Variants in RNF40 observed in about 807,000 individuals in gnomAD.
RNF40 encodes E3 ubiquitin-protein ligase BRE1B.
Under a neutral mutation model 123.3 loss-of-function variants are expected in RNF40, and 39 were observed. The ratio of observed to expected loss-of-function variants is 0.32; its 90% CI spans 0.24 to 0.41. The LOEUF (loss-of-function observed/expected upper bound fraction) is 0.41, where lower values mean the gene tolerates loss of function less well. RNF40 is among the 10% of genes least tolerant of loss of function. The pLI is 1.00. For synonymous variants in RNF40, 538 were observed against 526.0 expected, an observed-to-expected ratio of 1.02 and a Z score of -0.31; for missense variants, 1,003 against 1,319.9, an observed-to-expected ratio of 0.76 and a Z score of 3.72.
At chr16:30,769,764 A>T (rs2151332426) in intron 17 of RNF40, among the ~76,000 whole-genome samples, 164 bp downstream of exon 17, 1 of 152,322 alleles carries the variant, frequency 6.6e-6, no homozygotes, top group East Asian at 1.9e-4. Context: ...CATGCTGAGT[A>T]CTTGACATGC....
chr16:30,762,836 C>T (rs1393770280), intron 2 of RNF40, 159 bp downstream of exon 2: 2 of 949,862 alleles, frequency 2.1e-6, no homozygotes, highest in Non-Finnish European at 3.1e-6. Flanking sequence ...GAACACGACG[C>T]CTGTCTTCCC....
upstream of RNF40, chr16:30,762,276 T>TG (rs1567277768): frequency 1.4e-5 from 6 of 419,944 alleles, no homozygotes; most frequent in Non-Finnish European, 2.1e-5. Flanking sequence ...CTGCGCACCG[T>TG]TGGGGGGGGG....
rs1164924306 is a variant in RNF40 at position 30,762,344 on chromosome 16, G to A, written c.-88G>A. ...GGTGAAATCCAAGATGGCGGCGCTA[G>A]GCTGACCCTCCTGCTGGTGAGGGCT... On this transcript the variant is annotated 5_prime_UTR_variant, in exon 1 of 20. Transcript: ENST00000324685. 7.3e-6 allele frequency: 4 copies of A among 549,852 alleles called. No individual in the cohort carries two copies. Among genetic ancestry groups the A allele is most frequent in the Non-Finnish European group, 9.2e-6 (3 of 324,770 alleles). 34.1% of individuals were successfully genotyped at this position (549,852 alleles called of 1,614,324 possible).
upstream of RNF40, chr16:30,761,669 T>C: frequency 6.5e-7 from 1 of 1,535,818 alleles, no homozygotes; most frequent in African/African-American, 1.4e-5. Flanking sequence ...CTTCCCCGCT[T>C]CCCGCCGCAG....
intron 19 of RNF40, 165 bp from the exon 20 acceptor site, chr16:30,773,773 C>T (rs1387147810): frequency 1.1e-5 from 7 of 628,658 alleles, no homozygotes; most frequent in South Asian, 7.0e-5. Flanking sequence ...GGCCTCTGCA[C>T]CTCAGTTTGC....
intron 11 of RNF40, chr16:30,767,652 A>C: frequency 2.3e-6 from 1 of 439,790 alleles, no homozygotes; most frequent in East Asian, 3.6e-5. Context: ...TTAAAAAAAA[A>C]ACAAAAAACC....
rs1378367421 is a variant in RNF40 at position 30,774,294 on chromosome 16, C to T, written c.*180C>T. On this transcript the variant is annotated 3_prime_UTR_variant, in exon 20 of 20. Transcript: ENST00000324685. ...AGTGGGCATGGGATCAGCCAAGCTT[C>T]GTTCCATCTTTTCCTAAAGGTCAGA... is the stretch of plus-strand genomic sequence containing the variant. 4.1e-5 allele frequency: 25 copies of T among 615,126 alleles called. No individual in the cohort carries two copies. Among genetic ancestry groups the T allele is most frequent in the Middle Eastern group, 4.4e-4 (1 of 2,284 alleles). 38.1% of individuals were successfully genotyped at this position (615,126 alleles called of 1,614,324 possible). A position where few individuals can be genotyped will look rare whatever the true frequency, so the allele number is the denominator to read the frequency against.
chr16:30,762,821 G>C (rs2053896442), intron 2 of RNF40, 144 bp downstream of exon 2: 1 of 1,098,876 alleles, frequency 9.1e-7, no homozygotes, highest in Admixed American at 2.6e-5. Flanking sequence ...TTAGAAAGAA[G>C]CTCAGAACAC....
rs1421431051 is a variant in RNF40 at position 30,769,604 on chromosome 16, A to T, written c.2586+4A>T. ...CCTGGAGCTCAACAAGCGGAAGGTG[A>T]GGCTGGGCCAGGGGGACACACAGCT... On this transcript the variant is annotated splice_donor_region_variant and intron_variant, in intron 17 of 19. Transcript: ENST00000324685. The T allele has an allele frequency of 6.4e-7, 1 of 1,555,094 alleles. No homozygotes were observed. Among genetic ancestry groups the T allele is most frequent in the Non-Finnish European group, 8.7e-7 (1 of 1,150,066 alleles).
upstream of RNF40, chr16:30,762,026 G>A (rs971506366): frequency 1.8e-5 from 9 of 495,720 alleles, no homozygotes; most frequent in African/African-American, 1.8e-4. Flanking sequence ...AGTTGCGAGT[G>A]CCCACCTGGG....
chr16:30,762,992 A>T, intron 2 of RNF40, 126 bp from the exon 3 acceptor site: 1 of 1,061,218 alleles, frequency 9.4e-7, no homozygotes, highest in East Asian at 2.6e-5. Context: ...AGATTCTGTT[A>T]GCGGTTAGTG....
intron 17 of RNF40, among the ~76,000 whole-genome samples, chr16:30,770,035 G>A (rs886132510): frequency 1.3e-5 from 2 of 151,838 alleles, no homozygotes; most frequent in East Asian, 3.9e-4. Context: ...CCAGGAGGTT[G>A]AGGCTGCAGT....
intron 16 of RNF40, 35 bp from the exon 17 acceptor site, chr16:30,769,440 G>A (rs751561862): frequency 1.9e-6 from 3 of 1,614,152 alleles, no homozygotes; most frequent in Non-Finnish European, 1.7e-6. Context: ...TGGAGAGGTG[G>A]GGGTCATGGC....
At chr16:30,773,162 T>C (rs1282583935) in intron 19 of RNF40, among the ~76,000 whole-genome samples, 2 of 152,130 alleles carry the variant, frequency 1.3e-5, no homozygotes, top group Admixed American at 6.5e-5. Context: ...GAGAACAGGC[T>C]TGGGGAATGT....
chr16:30,763,944 T>C (rs1313577659), intron 4 of RNF40, among the ~76,000 whole-genome samples: 1 of 152,210 alleles, frequency 6.6e-6, no homozygotes, highest in Non-Finnish European at 1.5e-5. Context: ...TCTAATTATA[T>C]TGGTAAAGTA....
In RNF40 at chr16:30,774,044, G is replaced by A. The variant is rs974302842; in HGVS notation, c.2936G>A (p.Arg979His). 2 of 1,614,070 alleles carry A rather than the reference G, an allele frequency of 1.2e-6. No homozygotes were observed. Among genetic ancestry groups the A allele is most frequent in the Non-Finnish European group, 1.7e-6 (2 of 1,179,902 alleles). Residue 979 changes from arginine to histidine, a missense_variant, in exon 20 of 20, where the codon CGC (arginine) becomes CAC (histidine). Transcript: ENST00000324685. ...FECVRGRYEA[R>H]QRKCPKCNAA... ...TGCGTGCGGGGCCGCTATGAGGCCC[G>A]CCAGAGGAAGTGCCCCAAGTGCAAC...
At chr16:30,762,050 A>AG (rs1238846741), upstream of RNF40, 89 of 462,630 alleles carry the variant, frequency 1.9e-4, no homozygotes, top group Non-Finnish European at 7.7e-6. Context: ...CCTCTCTTCC[A>AG]GGTTGCTAAT....
chr16:30,762,744 G>A, intron 2 of RNF40, 67 bp downstream of exon 2: 1 of 1,575,242 alleles, frequency 6.3e-7, no homozygotes, highest in Non-Finnish European at 8.6e-7. Flanking sequence ...TGGCCAAACT[G>A]TGCGGAATCT....
chr16:30,769,395 C>G lies in RNF40; in HGVS notation c.2457C>G (p.Ser819=). 6.2e-7 allele frequency: 1 copy of G among 1,614,174 alleles called. No individual in the cohort carries two copies. Among genetic ancestry groups the G allele is most frequent in the Non-Finnish European group, 8.5e-7 (1 of 1,180,036 alleles). Reference sequence around the variant, plus strand: ...GCGAGCAGGTCCTTGGCCTCAAGTCCCAGGTATGGCCGCCGCCAGCTTGCA... The same window carrying G: ...GCGAGCAGGTCCTTGGCCTCAAGTCGCAGGTATGGCCGCCGCCAGCTTGCA... ...ELGEQVLGLK[S]QVDAQLLTVQ... Residue 819 remains serine (S), a synonymous_variant, in exon 16 of 20, where the codon TCC becomes TCG. Coordinates refer to ENST00000324685, the MANE Select transcript of RNF40 (RefSeq NM_014771.4).
Sources: gnomAD v4.1 joint callset for allele counts (sites outside exome capture counted in the v4.1 genomes callset) on GRCh38, gnomAD v4.1.1 for gene constraint, MANE v1.5 for transcripts, NCBI Gene and HGNC (gene_info 2026-07-23, HGNC 2026-07-21) for gene names.